NUMB: variants seen among roughly 807,000 people sequenced by gnomAD.
The protein encoded by NUMB is protein numb homolog.
In NUMB, 29 loss-of-function variants were observed where a neutral mutation model predicts 59.7. That is an observed-to-expected ratio of 0.49 (90% confidence interval 0.36 to 0.66). The LOEUF (loss-of-function observed/expected upper bound fraction) is 0.66. NUMB is among the 30% of genes least tolerant of loss of function. NUMB has a pLI of 0.00. For missense variants in NUMB, 723 were observed against 822.0 expected (o/e 0.88, Z 1.47); for synonymous variants, 288 against 288.2 (o/e 1.00, Z 0.01).
intron 2 of NUMB, among the ~76,000 whole-genome samples, chr14:73,396,261 A>C (rs936745414): frequency 2.6e-5 from 4 of 151,408 alleles, no homozygotes; most frequent in African/African-American, 9.7e-5. Flanking sequence ...CTGCCCCTCT[A>C]TCCATCCATC....
chr14:73,438,848 G>T (rs1882816762), intron 1 of NUMB, among the ~76,000 whole-genome samples: 2 of 152,052 alleles, frequency 1.3e-5, no homozygotes, highest in Admixed American at 1.3e-4. Flanking sequence ...AAGTGTCTGG[G>T]TTTCATTATA....
intron 6 of NUMB, among the ~76,000 whole-genome samples, chr14:73,313,681 A>AAAAAAAAAAAAAAAAAAAAAC (rs1890911428): frequency 6.6e-6 from 1 of 151,044 alleles, no homozygotes; most frequent in African/African-American, 2.4e-5. Flanking sequence ...AAAAAAAAAA[A>AAAAAAAAAAAAAAAAAAAAAC]AAAATCCAAA....
chr14:73,402,051 G>A (rs1896442346), intron 2 of NUMB, among the ~76,000 whole-genome samples: 2 of 152,020 alleles, frequency 1.3e-5, no homozygotes, highest in Admixed American at 1.3e-4. Flanking sequence ...TATTTGTAAT[G>A]ACAAGGTCTC....
intron 4 of NUMB, among the ~76,000 whole-genome samples, chr14:73,354,504 C>A (rs1893659751): frequency 8.3e-6 from 1 of 121,078 alleles, no homozygotes; most frequent in African/African-American, 3.3e-5. Flanking sequence ...CAGCAAGACT[C>A]CATCTCAAAA....
At chr14:73,308,370 T>TG (rs1407102056) in intron 6 of NUMB, among the ~76,000 whole-genome samples, 1 of 152,080 alleles carries the variant, frequency 6.6e-6, no homozygotes, top group East Asian at 1.9e-4. Flanking sequence ...CTTCTCTCCT[T>TG]GGGGGAATTT....
intron 2 of NUMB, among the ~76,000 whole-genome samples, chr14:73,404,042 G>GA (rs1566782272): frequency 6.9e-6 from 1 of 144,028 alleles, no homozygotes; most frequent in East Asian, 2.0e-4. Flanking sequence ...GCAGTGAGCC[G>GA]AAATCACCTG....
intron 4 of NUMB, among the ~76,000 whole-genome samples, chr14:73,353,851 C>T (rs1049645922): frequency 2.0e-5 from 3 of 151,768 alleles, no homozygotes; most frequent in African/African-American, 7.3e-5. Context: ...AGTAAGCCAA[C>T]TGTATGGTGG....
chr14:73,362,764 C>T (rs1319397166), intron 3 of NUMB, among the ~76,000 whole-genome samples: 1 of 152,086 alleles, frequency 6.6e-6, no homozygotes, highest in African/African-American at 2.4e-5. Context: ...AGAAAATCAG[C>T]CTTCCAAGAA....
At chr14:73,454,461 C>T (rs1447426540) in intron 1 of NUMB, among the ~76,000 whole-genome samples, 2 of 152,040 alleles carry the variant, frequency 1.3e-5, no homozygotes, top group Non-Finnish European at 2.9e-5. Context: ...TTTTCAGTTA[C>T]CCACATTTCT....
chr14:73,307,572 A>C (rs1890520543), intron 6 of NUMB, among the ~76,000 whole-genome samples: 1 of 152,044 alleles, frequency 6.6e-6, no homozygotes, highest in African/African-American at 2.4e-5. Flanking sequence ...GCTGGAACAG[A>C]GGGAGCAAGA....
At chr14:73,406,871 T>C (rs1595000786) in intron 2 of NUMB, among the ~76,000 whole-genome samples, 2 of 152,322 alleles carry the variant, frequency 1.3e-5, no homozygotes, top group East Asian at 3.9e-4. Flanking sequence ...TTCATGTGTC[T>C]GTTGGCTGCA....
intron 1 of NUMB, among the ~76,000 whole-genome samples, chr14:73,418,115 A>C (rs1267642518): frequency 6.6e-6 from 1 of 152,178 alleles, no homozygotes; most frequent in African/African-American, 2.4e-5. Context: ...AAAAAAAAAA[A>C]ATGTAGTCTA....
intron 1 of NUMB, among the ~76,000 whole-genome samples, chr14:73,427,321 C>T (rs1040038224): frequency 2.6e-5 from 4 of 151,840 alleles, no homozygotes; most frequent in Non-Finnish European, 4.4e-5. Context: ...AAAAATTAGC[C>T]GGGCATGGTC....
chr14:73,285,622 C>T (rs1157603881), intron 9 of NUMB: 1 of 151,856 alleles, frequency 6.6e-6, no homozygotes, highest in Non-Finnish European at 1.5e-5. Flanking sequence ...GTCAATGATG[C>T]TAACCAAAAG....
chr14:73,345,563 T>C (rs1892874986), intron 4 of NUMB, among the ~76,000 whole-genome samples: 1 of 152,066 alleles, frequency 6.6e-6, no homozygotes, highest in South Asian at 2.1e-4. Context: ...TCCCAAGGAG[T>C]TTTTTGTTTA....
At chr14:73,407,155 TA>T (rs1428751615) in intron 2 of NUMB, among the ~76,000 whole-genome samples, 5 of 149,540 alleles carry the variant, frequency 3.3e-5, no homozygotes, top group African/African-American at 9.9e-5. Flanking sequence ...ATCTTGTTTT[TA>T]AATGCAAAAA....
intron 2 of NUMB, among the ~76,000 whole-genome samples, chr14:73,376,365 A>G (rs1211945902): frequency 6.6e-6 from 1 of 152,110 alleles, no homozygotes; most frequent in African/African-American, 2.4e-5. Context: ...TCTACACAAG[A>G]AAAATGAAAA....
intron 1 of NUMB, among the ~76,000 whole-genome samples, chr14:73,439,191 C>A (rs1344725293): frequency 6.6e-6 from 1 of 152,138 alleles, no homozygotes; most frequent in Non-Finnish European, 1.5e-5. Context: ...AGAAGTCAAG[C>A]CAGCAACCTG....
Position 73,352,475 on chromosome 14 carries a change from CACATATATATATATATATAT to C in NUMB, c.126+3131_126+3150del, listed in dbSNP as rs1326514888. On this transcript the variant is annotated intron_variant, in intron 4 of 12. Coordinates refer to ENST00000555238, the MANE Select transcript of NUMB (RefSeq NM_001005743.2). ...ACACACACATACACACACACACACA[CACATATATATATATATATAT>C]ATATATATATATATATATATATATA... Among the ~76,000 whole-genome samples the C allele has an allele frequency of 9.3e-3, 128 of 13,732 alleles. 9 individuals carry two copies. Among genetic ancestry groups the C allele is most frequent in the African/African-American group, 0.017 (71 of 4,122 alleles). 9.0% of individuals were successfully genotyped at this position (13,732 alleles called of 152,430 possible). A position where few individuals can be genotyped will look rare whatever the true frequency, so the allele number is the denominator to read the frequency against.
Sources: allele counts gnomAD v4.1 joint callset (sites outside exome capture counted in the v4.1 genomes callset), GRCh38; gene constraint gnomAD v4.1.1; transcripts MANE v1.5; gene names NCBI Gene and HGNC (gene_info 2026-07-23, HGNC 2026-07-21).